Variants in ZNF385D observed in about 807,000 individuals in gnomAD.
The protein encoded by ZNF385D is zinc finger protein 385D.
Under a neutral mutation model 35.8 loss-of-function variants are expected in ZNF385D, and 15 were observed. The ratio of observed to expected loss-of-function variants is 0.42; its 90% CI spans 0.28 to 0.64. The LOEUF (loss-of-function observed/expected upper bound fraction) is 0.64. Ranked by LOEUF, ZNF385D falls within the 30% of genes least tolerant of loss-of-function variation. ZNF385D has a pLI of 0.23. For missense variants in ZNF385D, 474 were observed against 494.6 expected, an observed-to-expected ratio of 0.96 and a Z score of 0.39; for synonymous variants, 212 against 186.8, an observed-to-expected ratio of 1.13 and a Z score of -1.10.
At chr3:21,521,569 A>T (rs1458991433) in intron 3 of ZNF385D, among the ~76,000 whole-genome samples, 1 of 151,804 alleles carries the variant, frequency 6.6e-6, no homozygotes, top group East Asian at 1.9e-4. Flanking sequence ...CTTGGGCAAC[A>T]AAGCAAAACC....
At chr3:22,012,786 TAATTCTTA>T (rs1696659043) in intron 3 of ZNF385D, among the ~76,000 whole-genome samples, 1 of 152,120 alleles carries the variant, frequency 6.6e-6, no homozygotes, top group Non-Finnish European at 1.5e-5. Context: ...GCTTAGCACA[TAATTCTTA>T]GGAACTGGTA....
At chr3:21,921,000 G>C (rs1341814705) in intron 3 of ZNF385D, among the ~76,000 whole-genome samples, 1 of 151,900 alleles carries the variant, frequency 6.6e-6, no homozygotes, top group Non-Finnish European at 1.5e-5. Context: ...CGGATCATGA[G>C]GTCAGGAGAT....
chr3:21,854,970 T>A (rs1696626646), intron 3 of ZNF385D, among the ~76,000 whole-genome samples: 1 of 151,972 alleles, frequency 6.6e-6, no homozygotes, highest in South Asian at 2.1e-4. Context: ...AAGTACCTAC[T>A]TTGTACCAGA....
chr3:22,119,610 C>A (rs1489730989), intron 3 of ZNF385D, among the ~76,000 whole-genome samples: 1 of 152,072 alleles, frequency 6.6e-6, no homozygotes, highest in African/African-American at 2.4e-5. Flanking sequence ...AGGTTTTGAT[C>A]ATTTGCTCTG....
chr3:21,530,906 G>A (rs1419281270), intron 3 of ZNF385D, among the ~76,000 whole-genome samples: 1 of 152,072 alleles, frequency 6.6e-6, no homozygotes, highest in Non-Finnish European at 1.5e-5. Context: ...TACATCAAAT[G>A]TTGTTACAAT....
Position 22,029,249 on chromosome 3 carries a change from GA to G in ZNF385D, c.325+139567del, listed in dbSNP as rs1170673838. 4.7e-4 allele frequency among the ~76,000 whole-genome samples: 72 copies of G among 152,314 alleles called. 2 individuals are homozygous for G. The East Asian group carries it at 0.013, about 27-fold the overall frequency. On this transcript the variant is annotated intron_variant, in intron 3 of 5. Transcript: ENST00000494108. ...TTGGGTGACTTACTTGCACTATCAA[GA>G]TGAAATTAATCTATTACTCCAGCAT...
chr3:22,092,215 T>C (rs775695072), intron 3 of ZNF385D, among the ~76,000 whole-genome samples: 2 of 152,178 alleles, frequency 1.3e-5, no homozygotes, highest in African/African-American at 4.8e-5. Context: ...CTGTAAACAT[T>C]CCTTCTTTGC....
intron 3 of ZNF385D, among the ~76,000 whole-genome samples, chr3:21,557,565 C>T (rs895729765): frequency 6.6e-6 from 1 of 152,122 alleles, no homozygotes; most frequent in African/African-American, 2.4e-5. Context: ...ATTAGTTTCG[C>T]CAGTATTTTA....
chr3:21,782,697 GAATTA>G (rs1218282896), intron 3 of ZNF385D, among the ~76,000 whole-genome samples: 1 of 152,070 alleles, frequency 6.6e-6, no homozygotes, highest in African/African-American at 2.4e-5. Flanking sequence ...ATTATTTGGA[GAATTA>G]AATTGGACAA....
intron 2 of ZNF385D, among the ~76,000 whole-genome samples, chr3:22,197,423 A>T (rs1576480798): frequency 6.6e-6 from 1 of 152,058 alleles, no homozygotes; most frequent in African/African-American, 2.4e-5. Flanking sequence ...AGTTGTTTAC[A>T]GCTCATGAAA....
intron 3 of ZNF385D, 24 bp downstream of exon 3, chr3:21,564,550 G>A: frequency 1.5e-6 from 2 of 1,350,624 alleles, no homozygotes; most frequent in South Asian, 1.5e-5. Flanking sequence ...TTTTTTTTAA[G>A]TGAACACTAA....
intron 3 of ZNF385D, among the ~76,000 whole-genome samples, chr3:21,804,808 T>C (rs1332926176): frequency 6.6e-6 from 1 of 152,212 alleles, no homozygotes; most frequent in Non-Finnish European, 1.5e-5. Context: ...TAATGAAGGT[T>C]AGTTCAAAGG....
At chr3:21,479,100 G>C (rs561521238) in intron 4 of ZNF385D, among the ~76,000 whole-genome samples, 1 of 150,170 alleles carries the variant, frequency 6.7e-6, no homozygotes, top group Non-Finnish European at 1.5e-5. Flanking sequence ...AAAACATAAA[G>C]TATAAAGTTA....
At chr3:22,240,175 C>T (rs191202193) in intron 2 of ZNF385D, among the ~76,000 whole-genome samples, 9 of 110,798 alleles carry the variant, frequency 8.1e-5, no homozygotes, top group Admixed American at 3.8e-4. Context: ...AAAGCGAGAC[C>T]CTGTCTCCAA....
intron 2 of ZNF385D, among the ~76,000 whole-genome samples, chr3:22,324,105 G>A (rs1454206806): frequency 5.3e-5 from 8 of 152,098 alleles, no homozygotes; most frequent in South Asian, 2.1e-4. Context: ...ATAACTTGGC[G>A]GGGAAAGGAA....
At position 21,614,361 on chromosome 3, in the gene ZNF385D, C is replaced by T. The variant is rs76739056; in HGVS notation, c.166-49677G>A. On this transcript the variant is annotated intron_variant, in intron 2 of 7. Transcript: ENST00000281523. ...AAGGACACCAGTCAGACTGGATTAACGTCTTCCCTAAGGAGCTCATTTCAA... is the reference window on the plus strand; with the variant it reads ...AAGGACACCAGTCAGACTGGATTAATGTCTTCCCTAAGGAGCTCATTTCAA... Among the ~76,000 whole-genome samples, 18 of 152,318 alleles carry T rather than the reference C, an allele frequency of 1.2e-4. No homozygotes were observed. The East Asian group carries it at 3.1e-3, about 26-fold the overall frequency.
intron 4 of ZNF385D, among the ~76,000 whole-genome samples, chr3:21,492,582 A>G (rs1261367555): frequency 6.6e-6 from 1 of 151,698 alleles, no homozygotes; most frequent in Non-Finnish European, 1.5e-5. Context: ...TAGGAGTTCG[A>G]GACTAGCCTG....
chr3:21,733,285 TAGCTTTATAGTA>T (rs2069099775), intron 1 of ZNF385D, among the ~76,000 whole-genome samples: 1 of 152,232 alleles, frequency 6.6e-6, no homozygotes, highest in African/African-American at 2.4e-5. Context: ...TTGATTATTG[TAGCTTTATAGTA>T]AGCTCTGAAG....
intron 3 of ZNF385D, among the ~76,000 whole-genome samples, chr3:22,066,768 T>A (rs138437380): frequency 6.6e-6 from 1 of 152,170 alleles, no homozygotes; most frequent in South Asian, 2.1e-4. Flanking sequence ...GTTTCCTAGT[T>A]GGTTGTTCAT....
Sources: allele counts gnomAD v4.1 joint callset (sites outside exome capture counted in the v4.1 genomes callset), GRCh38; gene constraint gnomAD v4.1.1; transcripts MANE v1.5; gene names NCBI Gene and HGNC (gene_info 2026-07-23, HGNC 2026-07-21).